Variants in TMEM163 observed in about 807,000 individuals in gnomAD.
TMEM163 encodes the protein transmembrane protein 163.
A neutral mutation model predicts 29.3 loss-of-function variants in TMEM163; 17 were observed. That is an observed-to-expected ratio of 0.58 (90% CI 0.40 to 0.87). The LOEUF (loss-of-function observed/expected upper bound fraction) is 0.87, where lower values mean the gene tolerates loss of function less well. Among genes scored for constraint, TMEM163 ranks in the 40% least tolerant of loss-of-function variants. TMEM163 has a pLI of 0.00. For synonymous variants in TMEM163, 157 were observed against 160.6 expected, an observed-to-expected ratio of 0.98 and a Z score of 0.17; for missense variants, 303 against 381.5, an observed-to-expected ratio of 0.79 and a Z score of 1.71.
At chr2:134,570,483 T>TATACATATACACATACATATACAC (rs1197867784) in intron 2 of TMEM163, among the ~76,000 whole-genome samples, 14 of 90,598 alleles carry the variant, frequency 1.5e-4, no homozygotes, top group African/African-American at 9.4e-4. Flanking sequence ...TACATATACA[T>TATACATATACACATACATATACAC]ATACATATAC....
intron 2 of TMEM163, among the ~76,000 whole-genome samples, chr2:134,650,910 A>G (rs1574310563): frequency 7.7e-6 from 1 of 129,316 alleles, no homozygotes; most frequent in Admixed American, 7.6e-5. Context: ...TCCATGGTGT[A>G]TATGTGCCAC....
chr2:134,651,191 C>T (rs1441618939), intron 2 of TMEM163, among the ~76,000 whole-genome samples: 1 of 73,894 alleles, frequency 1.4e-5, no homozygotes, highest in East Asian at 2.7e-4. Context: ...TTCTCCACAT[C>T]CTCTCCAGCA....
intron 2 of TMEM163, among the ~76,000 whole-genome samples, chr2:134,693,834 G>GTTT (rs1684525827): frequency 6.6e-6 from 1 of 152,196 alleles, no homozygotes; most frequent in Admixed American, 6.5e-5. Context: ...AGGAGAGTGG[G>GTTT]TTTCCTCCTA....
chr2:134,552,063 A>G lies in TMEM163; in HGVS notation c.351T>C (p.Ser117=). The G allele has an allele frequency of 6.2e-7, 1 of 1,613,552 alleles. No homozygotes were observed. Among genetic ancestry groups the G allele is most frequent in the Non-Finnish European group, 8.5e-7 (1 of 1,179,822 alleles). The change falls in exon 3 of 8, where the codon TCT becomes TCC. Residue 117 remains serine, a synonymous_variant. Transcript: ENST00000281924. The stretch of plus-strand genomic sequence containing the variant: ...GGTTACTTACTGCAAACCCAAAAGC[A>G]GAGGCGCTGTACCTCATAACGGAGA... ...FTVSVMRYSA[S]AFGFAFDAIL... is the part of the protein sequence containing the mutation.
At chr2:134,644,308 G>A (rs6729090) in intron 2 of TMEM163, among the ~76,000 whole-genome samples, 97,009 of 151,832 alleles carry the variant, frequency 0.64, 32,111 homozygotes, top group African/African-American at 0.77. Context: ...CAACTAAAAC[G>A]ATGTTTTTGA....
rs1007999705 is a variant in TMEM163, at chr2:134,617,924, A to G, written c.323-65833T>C. Among the ~76,000 whole-genome samples the G allele has an allele frequency of 2.2e-4, 33 of 152,104 alleles. 1 individual carries two copies. Among genetic ancestry groups the G allele is most frequent in the Non-Finnish European group, 4.4e-4 (30 of 68,026 alleles). On this transcript the variant is annotated intron_variant, in intron 2 of 7. Coordinates refer to ENST00000281924, the MANE Select transcript of TMEM163 (RefSeq NM_030923.5). Reference sequence around the variant, plus strand: ...CTAGGAGTTCAAGATCAGCCTGGGCAATATAGTAAGACCCCATCTCTACCA... The same window carrying G: ...CTAGGAGTTCAAGATCAGCCTGGGCGATATAGTAAGACCCCATCTCTACCA...
At chr2:134,596,462 A>C (rs1035548273) in intron 2 of TMEM163, among the ~76,000 whole-genome samples, 17 of 152,186 alleles carry the variant, frequency 1.1e-4, no homozygotes, top group South Asian at 2.1e-4. Context: ...GTTCTGTTCC[A>C]TTGGTCTGTA....
chr2:134,661,670 A>T (rs1683754030), intron 2 of TMEM163, among the ~76,000 whole-genome samples: 1 of 152,208 alleles, frequency 6.6e-6, no homozygotes, highest in Non-Finnish European at 1.5e-5. Context: ...TAGTCCATTT[A>T]AATTCTGCAG....
Position 134,713,330 on chromosome 2 carries a change from C to T in TMEM163, c.203-11G>A, listed in dbSNP as rs755367425. On this transcript the variant is annotated splice_polypyrimidine_tract_variant and intron_variant, in intron 1 of 7. Coordinates refer to ENST00000281924, the MANE Select transcript of TMEM163 (RefSeq NM_030923.5). ...TGCTTTCTAGTAAGCCTGACAAAAA[C>T]AAGGAGAAAGGGAAGTTAGACATTT... 1.2e-6 allele frequency: 2 copies of T among 1,613,100 alleles called. No homozygotes were observed. The highest frequency in any genetic ancestry group is 1.7e-6 in the Non-Finnish European group (2 of 1,179,794).
chr2:134,699,331 C>T (rs1253736920), intron 2 of TMEM163, among the ~76,000 whole-genome samples: 1 of 152,156 alleles, frequency 6.6e-6, no homozygotes, highest in Non-Finnish European at 1.5e-5. Flanking sequence ...TGGTGAAACA[C>T]TGTCTCTACT....
intron 4 of TMEM163, among the ~76,000 whole-genome samples, chr2:134,538,323 C>A (rs991600843): frequency 3.9e-5 from 6 of 152,194 alleles, no homozygotes; most frequent in Non-Finnish European, 8.8e-5. Flanking sequence ...GACACTGAAT[C>A]CGTCTTCATC....
intron 2 of TMEM163, among the ~76,000 whole-genome samples, chr2:134,592,569 C>G (rs1681961218): frequency 6.6e-6 from 1 of 152,066 alleles, no homozygotes; most frequent in African/African-American, 2.4e-5. Flanking sequence ...TATGCCTAAG[C>G]TCCAAAAGGG....
At chr2:134,497,848 AAG>A (rs1679607355) in intron 5 of TMEM163, among the ~76,000 whole-genome samples, 1 of 152,174 alleles carries the variant, frequency 6.6e-6, no homozygotes, top group South Asian at 2.1e-4. Flanking sequence ...ACTGAAGCCC[AAG>A]AGAGAGCAAT....
chr2:134,491,358 T>G (rs1679426523), intron 5 of TMEM163, among the ~76,000 whole-genome samples: 1 of 152,140 alleles, frequency 6.6e-6, no homozygotes, highest in Non-Finnish European at 1.5e-5. Context: ...ACTGGGAAGA[T>G]GGGGGTGGGG....
chr2:134,635,849 C>T (rs1371471901), intron 2 of TMEM163, among the ~76,000 whole-genome samples: 1 of 151,978 alleles, frequency 6.6e-6, no homozygotes, highest in Non-Finnish European at 1.5e-5. Context: ...TGGAAAAGAC[C>T]GTGTGGGTGT....
intron 4 of TMEM163, among the ~76,000 whole-genome samples, chr2:134,541,460 T>G (rs1029571248): frequency 2.0e-5 from 3 of 152,248 alleles, no homozygotes; most frequent in African/African-American, 7.2e-5. Flanking sequence ...TGACCCAGAC[T>G]TCTAGTAATT....
At chr2:134,561,190 G>A (rs1382770046) in intron 2 of TMEM163, among the ~76,000 whole-genome samples, 1 of 152,180 alleles carries the variant, frequency 6.6e-6, no homozygotes, top group Non-Finnish European at 1.5e-5. Context: ...TAGCAGCAAA[G>A]TTCTTTTATT....
chr2:134,512,464 A>T (rs551302621), intron 4 of TMEM163, among the ~76,000 whole-genome samples: 75 of 152,282 alleles, frequency 4.9e-4, no homozygotes, highest in African/African-American at 1.8e-3. Flanking sequence ...GTCTCAAAAA[A>T]ATACATATTC....
intron 2 of TMEM163, among the ~76,000 whole-genome samples, chr2:134,706,235 G>A (rs1254551180): frequency 6.6e-6 from 1 of 152,176 alleles, no homozygotes; most frequent in African/African-American, 2.4e-5. Flanking sequence ...GTGAGAGAAT[G>A]AGCTCCTGCA....
Sources: gnomAD v4.1 joint callset for allele counts (sites outside exome capture counted in the v4.1 genomes callset) on GRCh38, gnomAD v4.1.1 for gene constraint, MANE v1.5 for transcripts, NCBI Gene and HGNC (gene_info 2026-07-23, HGNC 2026-07-21) for gene names.